Variants in FBXO42 observed in about 807,000 individuals in gnomAD.
FBXO42 encodes the protein F-box only protein 42.
A neutral mutation model predicts 71.7 loss-of-function variants in FBXO42; 12 were observed. That is an observed-to-expected ratio of 0.17 (90% CI 0.11 to 0.27). FBXO42 has a LOEUF of 0.27. Among genes scored for constraint, FBXO42 ranks in the 10% least tolerant of loss-of-function variants. FBXO42 has a pLI of 1.00. For missense variants in FBXO42, 707 were observed against 911.9 expected, an observed-to-expected ratio of 0.78 and a Z score of 2.89; for synonymous variants, 325 against 327.5, an observed-to-expected ratio of 0.99 and a Z score of 0.08.
At chr1:16,348,507 G>A (rs2082672058) in intron 1 of FBXO42, among the ~76,000 whole-genome samples, 1 of 151,974 alleles carries the variant, frequency 6.6e-6, no homozygotes, top group African/African-American at 2.4e-5. Flanking sequence ...GACCAGCCTG[G>A]CCAATATGGT....
At chr1:16,337,209 T>A (rs2082559880) in intron 1 of FBXO42, among the ~76,000 whole-genome samples, 1 of 152,170 alleles carries the variant, frequency 6.6e-6, no homozygotes, top group African/African-American at 2.4e-5. Context: ...AGATTCAGAT[T>A]CAGTAAGCCT....
intron 4 of FBXO42, among the ~76,000 whole-genome samples, chr1:16,275,993 C>G (rs115824441): frequency 0.027 from 4,046 of 152,018 alleles, 185 homozygotes; most frequent in African/African-American, 0.09. Flanking sequence ...GGCAAAGGAG[C>G]CTCCTAGAAT....
At chr1:16,317,164 T>C (rs188030169) in intron 1 of FBXO42, among the ~76,000 whole-genome samples, 235 of 152,230 alleles carry the variant, frequency 1.5e-3, no homozygotes, top group Non-Finnish European at 1.4e-3. Context: ...ACACCCGTAA[T>C]CCCAGCACTT....
chr1:16,305,786 T>G lies in FBXO42; in HGVS notation c.367+17A>C. 1 of 1,578,572 alleles carries G rather than the reference T, an allele frequency of 6.3e-7. No homozygotes were observed. The highest frequency in any genetic ancestry group is 8.7e-7 in the Non-Finnish European group (1 of 1,147,782). ...ACCACAGGCAGGGTGGAATCTGCTTTCACAGTAAATACTTACTGTGCGAGA... is the reference window on the plus strand; with the variant it reads ...ACCACAGGCAGGGTGGAATCTGCTTGCACAGTAAATACTTACTGTGCGAGA... On this transcript the variant is annotated intron_variant, in intron 3 of 9. Coordinates refer to ENST00000375592, the MANE Select transcript of FBXO42 (RefSeq NM_018994.3).
At chr1:16,308,261 G>A (rs980070753) in intron 2 of FBXO42, among the ~76,000 whole-genome samples, 13 of 152,036 alleles carry the variant, frequency 8.6e-5, no homozygotes, top group Non-Finnish European at 1.8e-4. Context: ...AATTACAGGC[G>A]TGAGCCACTG....
At chr1:16,266,403 T>C (rs1258071508) in intron 4 of FBXO42, among the ~76,000 whole-genome samples, 1 of 152,170 alleles carries the variant, frequency 6.6e-6, no homozygotes, top group South Asian at 2.1e-4. Flanking sequence ...GGAGGATGGC[T>C]TAACCTCCTG....
chr1:16,352,222 C>G (rs967813447), intron 1 of FBXO42, 33 bp downstream of exon 1: 1 of 394,096 alleles, frequency 2.5e-6, no homozygotes, highest in Non-Finnish European at 4.5e-6. Flanking sequence ...CGCCGGCTCC[C>G]CTCTGCGGCC....
At chr1:16,322,665 C>T (rs1260302245) in intron 1 of FBXO42, among the ~76,000 whole-genome samples, 4 of 151,970 alleles carry the variant, frequency 2.6e-5, no homozygotes, top group African/African-American at 9.7e-5. Flanking sequence ...AATGCCTTAC[C>T]CTTCTGAGGT....
intron 4 of FBXO42, among the ~76,000 whole-genome samples, chr1:16,278,354 T>C (rs2081927028): frequency 6.9e-6 from 1 of 145,190 alleles, no homozygotes; most frequent in African/African-American, 2.8e-5. Context: ...CGAAACTCCA[T>C]CTCAAAAAAA....
chr1:16,288,085 G>C (rs1461092627), intron 4 of FBXO42, among the ~76,000 whole-genome samples: 1 of 152,074 alleles, frequency 6.6e-6, no homozygotes, highest in African/African-American at 2.4e-5. Flanking sequence ...GATGGAGTGA[G>C]CCGAGATCAT....
chr1:16,317,412 C>CAACAAACAAACA lies in FBXO42; in HGVS notation c.-17-1989_-17-1978dup, dbSNP rs34170464. Among the ~76,000 whole-genome samples, 776 of 150,728 alleles carry CAACAAACAAACA rather than the reference C, an allele frequency of 5.1e-3. 2 individuals carry two copies. Among genetic ancestry groups the CAACAAACAAACA allele is most frequent in the South Asian group, 0.011 (51 of 4,786 alleles). On this transcript the variant is annotated intron_variant, in intron 1 of 9. Transcript: ENST00000375592. Reference sequence around the variant, plus strand: ...CCTGGGCAATAGAGTGAGATCGTCTCAACAAACAAACAAACAAACAAAAAT... The same window carrying CAACAAACAAACA: ...CCTGGGCAATAGAGTGAGATCGTCTCAACAAACAAACAAACAAACAAACAAACAAACAAAAAT...
chr1:16,266,794 G>A (rs2081779582), intron 4 of FBXO42, among the ~76,000 whole-genome samples: 1 of 152,156 alleles, frequency 6.6e-6, no homozygotes, highest in Admixed American at 6.5e-5. Context: ...GGAGTTCAGA[G>A]ATCAGGATAA....
chr1:16,315,389 G>C lies in FBXO42; in HGVS notation c.30C>G (p.Asp10Glu), dbSNP rs771106372. 1.2e-6 allele frequency: 2 copies of C among 1,614,018 alleles called. No homozygotes were observed. Among genetic ancestry groups the C allele is most frequent in the East Asian group, 4.5e-5 (2 of 44,896 alleles). The change falls in exon 2 of 10, where the codon GAC (aspartate) becomes GAG (glutamate). Residue 10 changes from aspartate (D) to glutamate (E), a missense_variant. Around this residue, in one of 5 missense-constraint regions of FBXO42, gnomAD observed 188 missense variants for 230.5 expected, o/e 0.82. Transcript: ENST00000375592. MASSSDSED[D>E]SFMAVDQEET... The stretch of plus-strand genomic sequence containing the variant: ...CTTCCTGGTCCACAGCCATGAAACT[G>C]TCATCTTCACTGTCCGAGGAGCTGG...
intron 1 of FBXO42, among the ~76,000 whole-genome samples, chr1:16,338,558 C>T (rs1445913196): frequency 3.3e-5 from 5 of 151,924 alleles, no homozygotes; most frequent in Admixed American, 3.3e-4. Context: ...AGCCTTTTGC[C>T]TCATCAATCT....
rs557366780 is a variant in FBXO42, at chr1:16,304,629, G to A, written c.367+1174C>T. On this transcript the variant is annotated intron_variant, in intron 3 of 9. Coordinates refer to ENST00000375592, the MANE Select transcript of FBXO42 (RefSeq NM_018994.3). ...TTAGATAATGTCAGATGTTTAAAAC[G>A]CTAAGCATAACACCTTGACCACTCT... is the stretch of plus-strand genomic sequence containing the variant. Among the ~76,000 whole-genome samples, 4 of 152,156 alleles carry A rather than the reference G, an allele frequency of 2.6e-5. No homozygotes were observed. In the South Asian group the frequency reaches 8.3e-4, roughly 32 times the overall value.
chr1:16,349,669 T>C (rs970818649), intron 1 of FBXO42, among the ~76,000 whole-genome samples: 2 of 152,212 alleles, frequency 1.3e-5, no homozygotes, highest in Non-Finnish European at 2.9e-5. Flanking sequence ...AAGACCAGCC[T>C]GGCCAACATA....
At position 16,251,655 on chromosome 1, in the gene FBXO42, C is replaced by A; in HGVS notation, c.1169G>T (p.Arg390Leu). The A allele has an allele frequency of 6.2e-7, 1 of 1,614,124 alleles. No homozygotes were observed. Among genetic ancestry groups the A allele is most frequent in the East Asian group, 2.2e-5 (1 of 44,874 alleles). ...PALVPETREY[R>L]SQSPVRSMDE... is the part of the protein sequence containing the mutation. ...CATGCTTCTTACTGGAGACTGAGAG[C>A]GGTACTCTCGGGTTTCAGGAACGAG... is the stretch of plus-strand genomic sequence containing the variant. The change falls in exon 10 of 10, where the codon CGC (arginine) becomes CTC (leucine). Residue 390 changes from arginine to leucine, a missense_variant. Physicochemically the swap from Arg to Leu is moderately radical, Grantham distance 102. Coordinates refer to ENST00000375592, the MANE Select transcript of FBXO42 (RefSeq NM_018994.3). This position sits in a 1 kb window ranked among gnomAD's most constrained non-coding sequence, Gnocchi z 4.5.
At chr1:16,340,352 C>T (rs1184603956) in intron 1 of FBXO42, among the ~76,000 whole-genome samples, 1 of 151,680 alleles carries the variant, frequency 6.6e-6, no homozygotes, top group African/African-American at 2.4e-5. Flanking sequence ...GAGTTTCACT[C>T]TTGTTGCCTA....
chr1:16,313,032 C>T (rs1057241031), intron 2 of FBXO42, among the ~76,000 whole-genome samples: 3 of 151,908 alleles, frequency 2.0e-5, no homozygotes, highest in African/African-American at 4.8e-5. Context: ...TGATCTCAGG[C>T]GATCCGCCCA....
Sources: allele counts gnomAD v4.1 joint callset (sites outside exome capture counted in the v4.1 genomes callset), GRCh38; gene constraint gnomAD v4.1.1; regional missense constraint gnomAD v4.1.1; non-coding constraint Gnocchi (gnomAD v3.1); transcripts MANE v1.5; gene names NCBI Gene and HGNC (gene_info 2026-07-23, HGNC 2026-07-21).